C3orf49: variants seen among roughly 807,000 people sequenced by gnomAD.
The protein encoded by C3orf49 is putative uncharacterized protein C3orf49.
Under a neutral mutation model 13.3 loss-of-function variants are expected in C3orf49, and 27 were observed. That is an observed-to-expected ratio of 2.02 (90% CI 1.49 to 2.79). C3orf49 has a LOEUF of 2.79. Ranked by LOEUF, C3orf49 falls within the 30% of genes most tolerant of loss-of-function variation. C3orf49 has a pLI of 0.00. For missense variants in C3orf49, 242 were observed against 134.2 expected (o/e 1.80, Z -3.97); for synonymous variants, 87 against 47.6 (o/e 1.83, Z -3.40).
At chr3:63,844,089 A>G (rs572115135) in intron 5 of C3orf49, among the ~76,000 whole-genome samples, 2 of 152,350 alleles carry the variant, frequency 1.3e-5, no homozygotes, top group African/African-American at 4.8e-5. Flanking sequence ...TAGGTGAAAT[A>G]AGGCAGGCAC....
the C3orf49 span, chr3:63,785,962 A>G: frequency 6.6e-6 from 1 of 152,236 alleles, no homozygotes; most frequent in Non-Finnish European, 1.5e-5. Context: ...ATGAAAACCC[A>G]GTAGTAGTAT....
chr3:63,794,827 G>A, the C3orf49 span, among the ~76,000 whole-genome samples: 2 of 152,230 alleles, frequency 1.3e-5, no homozygotes, highest in East Asian at 1.9e-4. Flanking sequence ...GGGTCTGGAG[G>A]CAGGGAACCT....
intron 5 of C3orf49, chr3:63,835,156 T>G (rs755427761): frequency 6.2e-7 from 1 of 1,613,416 alleles, no homozygotes; most frequent in Non-Finnish European, 8.5e-7. Flanking sequence ...CTACTTACTT[T>G]CCAATGTTTG....
At chr3:63,821,503 T>A (rs952973885) in intron 1 of C3orf49, among the ~76,000 whole-genome samples, 3 of 152,088 alleles carry the variant, frequency 2.0e-5, no homozygotes, top group Non-Finnish European at 2.9e-5. Flanking sequence ...TAGATAAATG[T>A]TTATAGCAGC....
At chr3:63,843,031 A>G (rs1252405729) in intron 5 of C3orf49, among the ~76,000 whole-genome samples, 1 of 151,294 alleles carries the variant, frequency 6.6e-6, no homozygotes, top group African/African-American at 2.4e-5. Context: ...CAAGTGATCC[A>G]CATGCCTCAA....
the C3orf49 span, among the ~76,000 whole-genome samples, chr3:63,803,608 C>T: frequency 1.3e-5 from 2 of 152,190 alleles, no homozygotes; most frequent in African/African-American, 2.4e-5. Context: ...CTTGCTCTCA[C>T]GTGCCATGGG....
intron 5 of C3orf49, chr3:63,839,549 C>A: frequency 1.1e-6 from 1 of 915,362 alleles, no homozygotes; most frequent in Non-Finnish European, 1.8e-6. Flanking sequence ...GTTGACTCCA[C>A]TGTACATTTA....
the C3orf49 span, among the ~76,000 whole-genome samples, chr3:63,804,115 T>C: frequency 1.3e-5 from 2 of 152,024 alleles, no homozygotes; most frequent in African/African-American, 4.8e-5. Flanking sequence ...ATGAGAGTGA[T>C]GGGGAACAGC....
rs1396363013 is a variant in C3orf49 at position 63,831,705 on chromosome 3, C to A, written c.710C>A (p.Thr237Asn). 1 of 703,044 alleles carries A rather than the reference C, an allele frequency of 1.4e-6. No individual in the cohort carries two copies. The allele number at this position is 703,044 out of a possible 1,614,324, so 43.6% of individuals were successfully genotyped here. A position where few individuals can be genotyped will look rare whatever the true frequency, so the allele number is the denominator to read the frequency against. Residue 237 changes from threonine (T) to asparagine (N), a missense_variant, in exon 5 of 7, where the codon ACT (threonine) becomes AAT (asparagine). Physicochemically the swap from Thr to Asn is moderately conservative, Grantham distance 65 (BLOSUM62 0). Coordinates refer to ENST00000295896, the MANE Select transcript of C3orf49 (RefSeq NM_001355236.2). The part of the protein sequence containing the change: ...MQVDDLIETV[T>N]DKSMKLLAQR... ...GTGGATGACCTCATAGAAACAGTGA[C>A]TGATAAATCCATGAAGCTACTGGCC...
chr3:63,801,166 G>A, the C3orf49 span, among the ~76,000 whole-genome samples: 1 of 152,086 alleles, frequency 6.6e-6, no homozygotes, highest in African/African-American at 2.4e-5. Flanking sequence ...CATCAAGATG[G>A]GATTAATATC....
At chr3:63,814,573 G>C (rs1027309611), upstream of C3orf49, among the ~76,000 whole-genome samples, 5 of 152,130 alleles carry the variant, frequency 3.3e-5, no homozygotes, top group Admixed American at 2.6e-4. Flanking sequence ...GTTTTGACCA[G>C]ATTTTGTCCT....
intron 6 of C3orf49, among the ~76,000 whole-genome samples, chr3:63,848,007 A>C (rs1382544068): frequency 6.6e-6 from 1 of 152,192 alleles, no homozygotes; most frequent in Non-Finnish European, 1.5e-5. Flanking sequence ...ATGAACATTA[A>C]AACAGAGATC....
rs113060854 is a variant in C3orf49 at position 63,821,544 on chromosome 3, A to G, written c.126-1706A>G. On this transcript the variant is annotated intron_variant, in intron 1 of 6. Coordinates refer to ENST00000295896, the MANE Select transcript of C3orf49 (RefSeq NM_001355236.2). Reference sequence around the variant, plus strand: ...TCATAATAGCCCCAAACTGGAAACAACCCAAGTATCCTTCAATCAGTGAAT... The same window carrying G: ...TCATAATAGCCCCAAACTGGAAACAGCCCAAGTATCCTTCAATCAGTGAAT... 5.4e-4 allele frequency among the ~76,000 whole-genome samples: 82 copies of G among 152,160 alleles called. 1 individual carries two copies. Among genetic ancestry groups the G allele is most frequent in the African/African-American group, 1.9e-3 (78 of 41,448 alleles).
chr3:63,799,110 C>T, the C3orf49 span, among the ~76,000 whole-genome samples: 1 of 152,118 alleles, frequency 6.6e-6, no homozygotes, highest in Non-Finnish European at 1.5e-5. Context: ...GCGGCTGGAG[C>T]TGCTCAGTGC....
chr3:63,792,456 A>G, the C3orf49 span, among the ~76,000 whole-genome samples: 1 of 152,240 alleles, frequency 6.6e-6, no homozygotes, highest in African/African-American at 2.4e-5. Flanking sequence ...ATGATATTTC[A>G]TCACATAACA....
At chr3:63,843,614 A>G (rs1444918738) in intron 5 of C3orf49, among the ~76,000 whole-genome samples, 3 of 151,388 alleles carry the variant, frequency 2.0e-5, no homozygotes, top group Admixed American at 6.6e-5. Context: ...ATTAAAAAAA[A>G]TGTGGGCTGG....
At chr3:63,841,757 T>C (rs1158800740) in intron 5 of C3orf49, among the ~76,000 whole-genome samples, 1 of 152,150 alleles carries the variant, frequency 6.6e-6, no homozygotes, top group Non-Finnish European at 1.5e-5. Flanking sequence ...AAATAAAACA[T>C]AGTCCTTGAA....
At chr3:63,802,193 T>C in the C3orf49 span, among the ~76,000 whole-genome samples, 1 of 152,198 alleles carries the variant, frequency 6.6e-6, no homozygotes, top group East Asian at 1.9e-4. Flanking sequence ...GATTTATCTA[T>C]ATAATCAGTT....
the C3orf49 span, chr3:63,782,366 A>T: frequency 6.6e-6 from 1 of 152,214 alleles, no homozygotes; most frequent in Non-Finnish European, 1.5e-5. Context: ...TTAATAATGA[A>T]TTTGCAAAAC....
Sources: gnomAD v4.1 joint callset for allele counts (sites outside exome capture counted in the v4.1 genomes callset) on GRCh38, gnomAD v4.1.1 for gene constraint, MANE v1.5 for transcripts, NCBI Gene and HGNC (gene_info 2026-07-23, HGNC 2026-07-21) for gene names.